The following TRIOBP variants were observed in gnomAD, a reference collection of about 807,000 sequenced individuals.
TRIOBP encodes TRIO and F-actin-binding protein.
A neutral mutation model predicts 238.8 loss-of-function variants in TRIOBP; 169 were observed. The ratio of observed to expected loss-of-function variants is 0.71; its 90% CI spans 0.62 to 0.80. The LOEUF is 0.80. TRIOBP is among the 30% of genes least tolerant of loss of function. The pLI, the probability that TRIOBP is intolerant of heterozygous loss-of-function variation, is 0.00. For missense variants in TRIOBP, 2,838 were observed against 3,122.6 expected, an observed-to-expected ratio of 0.91 and a Z score of 2.17; for synonymous variants, 1,150 against 1,274.4, an observed-to-expected ratio of 0.90 and a Z score of 2.08.
intron 3 of TRIOBP, among the ~76,000 whole-genome samples, chr22:37,707,417 G>A (rs1923001769): frequency 6.6e-6 from 1 of 152,136 alleles, no homozygotes; most frequent in African/African-American, 2.4e-5. Flanking sequence ...GAAGGAATGG[G>A]TGGGTTTTTT....
At chr22:37,711,578 CAAAAA>C (rs1185976077) in intron 4 of TRIOBP, among the ~76,000 whole-genome samples, 1 of 18,044 alleles carries the variant, frequency 5.5e-5, no homozygotes. Flanking sequence ...GGCTCCGTCT[CAAAAA>C]AAAAAAAAAC....
rs1333730071 is a variant in TRIOBP, at chr22:37,751,806, C to T, written c.5357C>T (p.Ser1786Leu). The T allele has an allele frequency of 2.5e-6, 4 of 1,614,014 alleles. No individual in the cohort carries two copies. Among genetic ancestry groups the T allele is most frequent in the East Asian group, 4.5e-5 (2 of 44,866 alleles). Residue 1786 changes from serine (S) to leucine (L), a missense_variant, in exon 12 of 24, where the codon TCG (serine) becomes TTG (leucine). Ser to Leu is a moderately radical substitution (Grantham distance 145). This residue lies in a region of TRIOBP where 2,096 missense variants were observed against 2,137.4 expected (regional missense o/e 0.98). Coordinates refer to ENST00000644935, the MANE Select transcript of TRIOBP (RefSeq NM_001039141.3). Reference protein sequence around the residue: ...DLLNFKKGWMSILDEPGEPPS... With the variant: ...DLLNFKKGWMLILDEPGEPPS... ...CTCAACTTCAAGAAGGGATGGATGT[C>T]GATCTTGGACGAGCCTGGAGAGGTA...
At chr22:37,706,041 C>T (rs906246758) in intron 3 of TRIOBP, among the ~76,000 whole-genome samples, 6 of 152,068 alleles carry the variant, frequency 3.9e-5, no homozygotes, top group Admixed American at 6.6e-5. Context: ...ATGATTGGGG[C>T]TTTGAGATGG....
At chr22:37,753,459 A>C (rs1925737092) in intron 12 of TRIOBP, among the ~76,000 whole-genome samples, 1 of 152,012 alleles carries the variant, frequency 6.6e-6, no homozygotes, top group Admixed American at 6.5e-5. Context: ...TTGTATTTTT[A>C]GTAGAGACAG....
At chr22:37,715,084 A>G (rs1923443006) in intron 5 of TRIOBP, among the ~76,000 whole-genome samples, 1 of 152,102 alleles carries the variant, frequency 6.6e-6, no homozygotes, top group Non-Finnish European at 1.5e-5. Flanking sequence ...CCACAATCTC[A>G]GCTCACTGCA....
chr22:37,768,182 A>T lies in TRIOBP; in HGVS notation c.6575+6A>T. Reference sequence around the variant, plus strand: ...GGCCTCCGGAAGCAGCACCAGTAAGATGATGCCGGGGCCCAACTGCCCACC... The same window carrying T: ...GGCCTCCGGAAGCAGCACCAGTAAGTTGATGCCGGGGCCCAACTGCCCACC... On this transcript the variant is annotated splice_donor_region_variant and intron_variant, in intron 19 of 23. Coordinates refer to ENST00000644935, the MANE Select transcript of TRIOBP (RefSeq NM_001039141.3). 6.2e-7 allele frequency: 1 copy of T among 1,608,424 alleles called. No homozygotes were observed. The highest frequency in any genetic ancestry group is 8.5e-7 in the Non-Finnish European group (1 of 1,177,066).
At chr22:37,750,586 A>G in intron 11 of TRIOBP, 1 of 467,494 alleles carries the variant, frequency 2.1e-6, no homozygotes, top group Non-Finnish European at 4.5e-6. Context: ...AGCGGGACAA[A>G]CGCAGCCCCA....
At position 37,740,897 on chromosome 22, in the gene TRIOBP, AGAC is replaced by A; in HGVS notation, c.5188_5190del (p.Asp1730del). On this transcript the variant is annotated inframe_deletion, in exon 11 of 24. Transcript: ENST00000644935. ...CAACACTGGACCCTGTTTGACAGGC[AGAC>A]AAGAGGCCAGCAGAGGGCAAGGCTG... 6.4e-7 allele frequency: 1 copy of A among 1,572,448 alleles called. No homozygotes were observed. Among genetic ancestry groups the A allele is most frequent in the Non-Finnish European group, 8.6e-7 (1 of 1,158,716 alleles).
rs572318806 is a variant in TRIOBP at position 37,748,029 on chromosome 22, G to A, written c.5323-3743G>A. 5.3e-5 allele frequency among the ~76,000 whole-genome samples: 8 copies of A among 152,312 alleles called. No homozygotes were observed. In the South Asian group the frequency reaches 1.5e-3, roughly 28 times the overall value. On this transcript the variant is annotated intron_variant, in intron 11 of 23. Transcript: ENST00000644935. Reference sequence around the variant, plus strand: ...TCCTGTGATTATAGGGCCTTGTCAGGTGGAGATGGACTAGCGAGGAGACAG... The same window carrying A: ...TCCTGTGATTATAGGGCCTTGTCAGATGGAGATGGACTAGCGAGGAGACAG...
rs774240804 is a variant in TRIOBP at position 37,724,912 on chromosome 22, G to C, written c.2356G>C (p.Ala786Pro). The C allele has an allele frequency of 1.3e-6, 2 of 1,577,782 alleles. No individual in the cohort carries two copies. The highest frequency in any genetic ancestry group is 1.7e-6 in the Non-Finnish European group (2 of 1,164,226). The change falls in exon 7 of 24, where the codon GCC (alanine) becomes CCC (proline). Residue 786 changes from alanine to proline, a missense_variant. By Grantham distance (27) the Ala-to-Pro change is conservative (BLOSUM62 -1). Around this residue, in one of 5 missense-constraint regions of TRIOBP, gnomAD observed 2,096 missense variants for 2,137.4 expected, o/e 0.98. Coordinates refer to ENST00000644935, the MANE Select transcript of TRIOBP (RefSeq NM_001039141.3). ...TCCCAGGACCTCCTCTCCCAATAGA[G>C]CCACACGAGACAACCCCAGAACATC... ...DNPRTSSPNRATRDNPRTSCA... is the reference protein window; with the variant it reads ...DNPRTSSPNRPTRDNPRTSCA...
intron 3 of TRIOBP, among the ~76,000 whole-genome samples, chr22:37,708,662 G>A (rs1225165786): frequency 2.0e-5 from 3 of 152,250 alleles, no homozygotes; most frequent in Admixed American, 6.5e-5. Context: ...GGCACAGAGA[G>A]GATAAGTCAC....
chr22:37,740,392 T>G (rs959990684), intron 10 of TRIOBP, among the ~76,000 whole-genome samples: 1 of 152,108 alleles, frequency 6.6e-6, no homozygotes, highest in African/African-American at 2.4e-5. Flanking sequence ...GTCACAAACC[T>G]AACGCCCTGA....
chr22:37,711,828 C>T (rs564475482), intron 4 of TRIOBP, among the ~76,000 whole-genome samples: 2 of 152,234 alleles, frequency 1.3e-5, no homozygotes, highest in Admixed American at 6.5e-5. Context: ...TTATTATCAT[C>T]GTGTAGGCCA....
rs116673177 is a variant in TRIOBP at position 37,766,132 on chromosome 22, G to A, written c.6472+315G>A. ...GCACATGCTACCCACGTGCGTGGGG[G>A]AGAGGCTGATCAGCTGCATCCCCTG... On this transcript the variant is annotated intron_variant, in intron 18 of 23. Transcript: ENST00000644935. Among the ~76,000 whole-genome samples the A allele has an allele frequency of 6.7e-3, 1,028 of 152,338 alleles. 11 individuals are homozygous for A. Among genetic ancestry groups the A allele is most frequent in the African/African-American group, 0.023 (960 of 41,572 alleles).
rs372103913 is a variant in TRIOBP at position 37,769,594 on chromosome 22, A to G, written c.6849+219A>G. 2.6e-3 allele frequency among the ~76,000 whole-genome samples: 399 copies of G among 152,318 alleles called. No homozygotes were observed. Among genetic ancestry groups the G allele is most frequent in the African/African-American group, 9.0e-3 (376 of 41,566 alleles). ...ACCTACCTGCCGTGTACCATAGCAA[A>G]TCACTCCACTTTTCTGAGTCCCAGT... On this transcript the variant is annotated intron_variant, in intron 21 of 23. Transcript: ENST00000644935.
intron 11 of TRIOBP, among the ~76,000 whole-genome samples, chr22:37,744,577 G>A (rs559184311): frequency 2.2e-4 from 33 of 152,302 alleles, no homozygotes; most frequent in African/African-American, 7.5e-4. Flanking sequence ...GCCTGGAGGA[G>A]GCTGGTGCTG....
intron 3 of TRIOBP, among the ~76,000 whole-genome samples, chr22:37,702,528 T>C (rs1922706568): frequency 6.6e-6 from 1 of 151,924 alleles, no homozygotes; most frequent in Non-Finnish European, 1.5e-5. Flanking sequence ...TATGGAAGGC[T>C]CTGAGCTTGC....
intron 8 of TRIOBP, 139 bp from the exon 9 acceptor site, chr22:37,734,260 C>A: frequency 1.3e-6 from 1 of 794,638 alleles, no homozygotes; most frequent in South Asian, 1.5e-5. Context: ...GGGGCAGAGA[C>A]CCTGTGTACT....
chr22:37,743,844 T>TGTGTGTGTGTGC (rs35321886), intron 11 of TRIOBP, among the ~76,000 whole-genome samples: 3 of 110,218 alleles, frequency 2.7e-5, no homozygotes, highest in South Asian at 6.2e-4. Context: ...TGTGTGTGTG[T>TGTGTGTGTGTGC]GCTGGGTGTG....
Sources: gnomAD v4.1 joint callset for allele counts (sites outside exome capture counted in the v4.1 genomes callset) on GRCh38, gnomAD v4.1.1 for gene constraint, gnomAD v4.1.1 regional missense constraint, MANE v1.5 for transcripts, NCBI Gene and HGNC (gene_info 2026-07-23, HGNC 2026-07-21) for gene names.